Variants in NUP210 observed in about 807,000 individuals in gnomAD.
NUP210 encodes the protein nuclear pore membrane glycoprotein 210.
Under a neutral mutation model 196.0 loss-of-function variants are expected in NUP210, and 151 were observed. That is an observed-to-expected ratio of 0.77 (90% CI 0.67 to 0.88). The LOEUF is 0.88. Among genes scored for constraint, NUP210 ranks in the 40% least tolerant of loss-of-function variants. The pLI is 0.00. For missense variants in NUP210, 2,314 were observed against 2,493.7 expected, an observed-to-expected ratio of 0.93 and a Z score of 1.53; for synonymous variants, 1,070 against 1,052.7, an observed-to-expected ratio of 1.02 and a Z score of -0.32.
intron 20 of NUP210, among the ~76,000 whole-genome samples, chr3:13,343,870 G>T (rs1236141989): frequency 6.6e-6 from 1 of 152,132 alleles, no homozygotes; most frequent in African/African-American, 2.4e-5. Flanking sequence ...ACAGAGCCTG[G>T]GAGTGACCCG....
At chr3:13,419,922 G>A (rs1279410380) in intron 1 of NUP210, 138 bp downstream of exon 1, 7 of 395,112 alleles carry the variant, frequency 1.8e-5, no homozygotes, top group African/African-American at 1.1e-4. Context: ...CCGCCGCTCC[G>A]AGTGCTGCAG....
At chr3:13,318,511 A>G (rs1167263897) in intron 39 of NUP210, among the ~76,000 whole-genome samples, 4 of 152,060 alleles carry the variant, frequency 2.6e-5, no homozygotes, top group Non-Finnish European at 5.9e-5. Flanking sequence ...AGAACCCTCA[A>G]ATGGGAATCA....
intron 1 of NUP210, among the ~76,000 whole-genome samples, chr3:13,419,587 G>A (rs2124973801): frequency 6.6e-6 from 1 of 152,284 alleles, no homozygotes; most frequent in East Asian, 1.9e-4. Flanking sequence ...GTTCCTCCCC[G>A]CGACGCTAGG....
At chr3:13,356,075 TG>T (rs1698163295) in intron 16 of NUP210, among the ~76,000 whole-genome samples, 1 of 152,166 alleles carries the variant, frequency 6.6e-6, no homozygotes, top group South Asian at 2.1e-4. Flanking sequence ...TGTCTCAATC[TG>T]GGGACAGCCC....
chr3:13,373,537 A>G (rs1698799489), intron 12 of NUP210, among the ~76,000 whole-genome samples, 181 bp downstream of exon 12: 1 of 152,144 alleles, frequency 6.6e-6, no homozygotes. Flanking sequence ...CTGGTGTGAG[A>G]CATCCTGTCC....
At chr3:13,361,881 T>G (rs73148079) in intron 14 of NUP210, among the ~76,000 whole-genome samples, 5,195 of 152,284 alleles carry the variant, frequency 0.034, 125 homozygotes, top group Middle Eastern at 0.075. Flanking sequence ...CAGGCTCAGC[T>G]GTCCCCAGGC....
intron 1 of NUP210, among the ~76,000 whole-genome samples, chr3:13,411,358 GC>G (rs1553605267): frequency 1.3e-5 from 2 of 152,220 alleles, no homozygotes; most frequent in Non-Finnish European, 2.9e-5. Flanking sequence ...TGGATCTGAG[GC>G]TGGTTTTGGA....
intron 1 of NUP210, among the ~76,000 whole-genome samples, chr3:13,402,707 CA>C (rs60357556): frequency 0.23 from 34,681 of 148,036 alleles, 6,354 homozygotes; most frequent in African/African-American, 0.52. Flanking sequence ...CATTTTCCGT[CA>C]AAAAAAAAAG....
At chr3:13,334,919 G>A (rs1173736535) in intron 28 of NUP210, among the ~76,000 whole-genome samples, 2 of 152,174 alleles carry the variant, frequency 1.3e-5, no homozygotes, top group African/African-American at 4.8e-5. Flanking sequence ...ACAGTCCCCA[G>A]GCCTCTTGAG....
In NUP210 at chr3:13,332,371, A is replaced by G; in HGVS notation, c.3857T>C (p.Leu1286Pro). The G allele has an allele frequency of 6.2e-7, 1 of 1,613,398 alleles. No individual in the cohort carries two copies. Among genetic ancestry groups the G allele is most frequent in the South Asian group, 1.1e-5 (1 of 91,072 alleles). ...TTCTATTTCAGGGTTGAGCAGCTGC[A>G]GCTTCTCAAACACCTGCAAGAGAGG... ...DEIQVQVFEKLQLLNPEIEAE... is the reference protein window; with the variant it reads ...DEIQVQVFEKPQLLNPEIEAE... Residue 1286 changes from leucine (L) to proline (P), a missense_variant, in exon 29 of 40, where the codon CTG becomes CCG. Coordinates refer to ENST00000254508, the MANE Select transcript of NUP210 (RefSeq NM_024923.4).
At position 13,327,406 on chromosome 3, in the gene NUP210, T is replaced by C. The variant is rs1488010960; in HGVS notation, c.4318A>G (p.Thr1440Ala). 6.2e-7 allele frequency: 1 copy of C among 1,612,878 alleles called. No homozygotes were observed. Among genetic ancestry groups the C allele is most frequent in the Admixed American group, 1.7e-5 (1 of 59,960 alleles). The change falls in exon 32 of 40, where the codon ACC becomes GCC. Residue 1440 changes from threonine to alanine, a missense_variant. Coordinates refer to ENST00000254508, the MANE Select transcript of NUP210 (RefSeq NM_024923.4). ...DDFVQIGKGPTNNTCVVRTVS... is the reference protein window; with the variant it reads ...DDFVQIGKGPANNTCVVRTVS... ...GTGCGGACAACGCAGGTGTTGTTGGTGGGGCCCTTCCCGATCTGCACAAAG... is the reference window on the plus strand; with the variant it reads ...GTGCGGACAACGCAGGTGTTGTTGGCGGGGCCCTTCCCGATCTGCACAAAG...
intron 36 of NUP210, among the ~76,000 whole-genome samples, chr3:13,321,308 G>A (rs796448658): frequency 2.6e-5 from 4 of 152,318 alleles, no homozygotes; most frequent in African/African-American, 9.6e-5. Context: ...ACGCTCACTG[G>A]CACCTTTTCT....
At position 13,340,482 on chromosome 3, in the gene NUP210, G is replaced by C. The variant is rs1440026064; in HGVS notation, c.3229-184C>G. 6.6e-6 allele frequency among the ~76,000 whole-genome samples: 1 copy of C among 152,150 alleles called. No homozygotes were observed. The highest frequency in any genetic ancestry group is 1.5e-5 in the Non-Finnish European group (1 of 68,022). ...GGGGGCTGTCTCCCAGCCACTGGCC[G>C]AGGCTCCCTGGTTCTCTGGGGTGTG... On this transcript the variant is annotated intron_variant, in intron 23 of 39. Transcript: ENST00000254508. The surrounding 1 kb of genome is among the most constrained non-coding windows in gnomAD (Gnocchi z 4.0).
At position 13,341,894 on chromosome 3, in the gene NUP210, G is replaced by C; in HGVS notation, c.3093-11C>G. ...GCTTCATCAAGGGCCCTGAAACAGAGGGAAGGGCTGGGACTTCTCCAAGAC... is the reference window on the plus strand; with the variant it reads ...GCTTCATCAAGGGCCCTGAAACAGACGGAAGGGCTGGGACTTCTCCAAGAC... On this transcript the variant is annotated splice_polypyrimidine_tract_variant and intron_variant, in intron 22 of 39. Coordinates refer to ENST00000254508, the MANE Select transcript of NUP210 (RefSeq NM_024923.4). 1.2e-6 allele frequency: 2 copies of C among 1,614,166 alleles called. No individual in the cohort carries two copies. The highest frequency in any genetic ancestry group is 1.1e-5 in the South Asian group (1 of 91,064).
chr3:13,340,779 C>A lies in NUP210; in HGVS notation c.3229-481G>T, dbSNP rs1384747166. Reference sequence around the variant, plus strand: ...AGACCCCCAGAGGTTGCTCTTCTAGCACACCCTCCGGATTAGCCTGGGAGG... The same window carrying A: ...AGACCCCCAGAGGTTGCTCTTCTAGAACACCCTCCGGATTAGCCTGGGAGG... On this transcript the variant is annotated intron_variant, in intron 23 of 39. Coordinates refer to ENST00000254508, the MANE Select transcript of NUP210 (RefSeq NM_024923.4). The surrounding 1 kb of genome is among the most constrained non-coding windows in gnomAD (Gnocchi z 4.0). Among the ~76,000 whole-genome samples the A allele has an allele frequency of 6.6e-6, 1 of 152,114 alleles. No homozygotes were observed. The highest frequency in any genetic ancestry group is 2.1e-4 in the South Asian group (1 of 4,818).
intron 3 of NUP210, among the ~76,000 whole-genome samples, chr3:13,391,961 C>T (rs1188757160): frequency 1.3e-5 from 2 of 152,052 alleles, no homozygotes; most frequent in African/African-American, 4.8e-5. Context: ...TTCTCACCTC[C>T]TCTTGAAAGG....
chr3:13,321,421 T>C (rs1696523139), intron 36 of NUP210, among the ~76,000 whole-genome samples, 164 bp downstream of exon 36: 1 of 152,116 alleles, frequency 6.6e-6, no homozygotes, highest in African/African-American at 2.4e-5. Context: ...ACAGCAACAG[T>C]GCTATGGAAA....
At chr3:13,375,306 A>C (rs1317751493) in intron 11 of NUP210, among the ~76,000 whole-genome samples, 198 bp downstream of exon 11, 4 of 151,756 alleles carry the variant, frequency 2.6e-5, no homozygotes, top group Admixed American at 2.6e-4. Flanking sequence ...CAATTTTTTC[A>C]TTGTTGGTTT....
At position 13,409,137 on chromosome 3, in the gene NUP210, G is replaced by C. The variant is rs1040311274; in HGVS notation, c.168-9276C>G. 2.6e-5 allele frequency among the ~76,000 whole-genome samples: 4 copies of C among 152,218 alleles called. No homozygotes were observed. The South Asian group carries it at 8.3e-4, about 31-fold the overall frequency. On this transcript the variant is annotated intron_variant, in intron 1 of 39. Transcript: ENST00000254508. ...ACCTGTGAGTGCCATTTCTGTGGGG[G>C]ACATGTGCTGGGTTTGGGCTGCCCA...
Sources: allele counts gnomAD v4.1 joint callset (sites outside exome capture counted in the v4.1 genomes callset), GRCh38; gene constraint gnomAD v4.1.1; non-coding constraint Gnocchi (gnomAD v3.1); transcripts MANE v1.5; gene names NCBI Gene and HGNC (gene_info 2026-07-23, HGNC 2026-07-21).